INTS6L: variants seen among roughly 807,000 people sequenced by gnomAD.
INTS6L encodes the protein integrator complex subunit 6 like.
A neutral mutation model predicts 64.7 loss-of-function variants in INTS6L; 18 were observed. The ratio of observed to expected loss-of-function variants is 0.28; its 90% CI spans 0.19 to 0.41. The LOEUF (loss-of-function observed/expected upper bound fraction) is 0.41. Ranked by LOEUF, INTS6L falls within the 10% of genes least tolerant of loss-of-function variation. The probability of loss-of-function intolerance (pLI) is 1.00; values close to 1 mark genes in which losing one functional copy is unlikely to be tolerated. For synonymous variants in INTS6L, 227 were observed against 235.9 expected (o/e 0.96, Z 0.34); for missense variants, 533 against 661.0 (o/e 0.81, Z 2.12).
intron 11 of INTS6L, chrX:135,571,963 A>G (rs2148668500): frequency 8.9e-6 from 1 of 112,161 alleles, no homozygotes; most frequent in East Asian, 2.8e-4. Flanking sequence ...CTTAATTCCA[A>G]TAATTAGGGA....
intron 16 of INTS6L, among the ~76,000 whole-genome samples, chrX:135,580,525 C>A (rs2087343758): frequency 8.9e-6 from 1 of 112,575 alleles, no homozygotes; most frequent in Admixed American, 9.4e-5. Context: ...GAATTTCTTT[C>A]TTTGCCTTTT....
intron 2 of INTS6L, among the ~76,000 whole-genome samples, chrX:135,536,845 G>T (rs781904237): frequency 9.0e-6 from 1 of 111,349 alleles, no homozygotes; most frequent in Non-Finnish European, 1.9e-5. Flanking sequence ...GCCAGCCAGA[G>T]TTCCAAATTA....
chrX:135,535,949 A>G (rs2086039702), intron 2 of INTS6L, among the ~76,000 whole-genome samples: 1 of 112,432 alleles, frequency 8.9e-6, no homozygotes, highest in Non-Finnish European at 1.9e-5. Context: ...AAGGAGAGGA[A>G]AGCAACATGC....
At position 135,520,968 on chromosome X, in the gene INTS6L, A is replaced by T. The variant is rs1556495945; in HGVS notation, c.-25A>T. The T allele has an allele frequency of 1.7e-6, 2 of 1,195,938 alleles. No individual in the cohort carries two copies. Among genetic ancestry groups the T allele is most frequent in the East Asian group, 5.9e-5 (2 of 33,689 alleles). On this transcript the variant is annotated 5_prime_UTR_variant, in exon 1 of 18. Transcript: ENST00000639893. The stretch of plus-strand genomic sequence containing the variant: ...GGGCAAGAGGGCCGGGAGAGTGGGG[A>T]GCGGAGGCAGGAGTGCGGGGGAAGA...
chrX:135,552,097 C>T lies in INTS6L; in HGVS notation c.1010C>T (p.Pro337Leu), dbSNP rs782158758. The T allele has an allele frequency of 8.3e-7, 1 of 1,204,510 alleles. No individual in the cohort carries two copies. Among genetic ancestry groups the T allele is most frequent in the East Asian group, 3.0e-5 (1 of 33,586 alleles). ...GACAAATATGAACTTGAACCTTCGC[C>T]CTTAACTCAGTATATCTTGGAACGA... is the stretch of plus-strand genomic sequence containing the variant. ...PFDKYELEPS[P>L]LTQYILERKS... Residue 337 changes from proline to leucine, a missense_variant, in exon 8 of 18, where the codon CCC (proline) becomes CTC (leucine). Transcript: ENST00000639893.
chrX:135,581,129 C>A lies in INTS6L; in HGVS notation c.2574C>A (p.Ile858=). ...AGAAACAGTTTGTTGAATTTACCATCAAGGAAGCCGCAAGGTAGGTATAAA... is the reference window on the plus strand; with the variant it reads ...AGAAACAGTTTGTTGAATTTACCATAAAGGAAGCCGCAAGGTAGGTATAAA... ...EMKKQFVEFT[I]KEAARFKRRV... Residue 858 remains isoleucine (I), a synonymous_variant, in exon 17 of 18, where the codon ATC becomes ATA. Coordinates refer to ENST00000639893, the MANE Select transcript of INTS6L (RefSeq NM_001351601.3). The A allele has an allele frequency of 8.4e-7, 1 of 1,192,278 alleles. No homozygotes were observed. Among genetic ancestry groups the A allele is most frequent in the East Asian group, 3.0e-5 (1 of 33,143 alleles).
intron 7 of INTS6L, 29 bp downstream of exon 7, chrX:135,549,834 A>T (rs1410238048): frequency 3.9e-5 from 47 of 1,196,918 alleles, no homozygotes; most frequent in Non-Finnish European, 5.3e-5. Flanking sequence ...AAAGGTAAAC[A>T]TCATTCTGGA....
intron 11 of INTS6L, 102 bp downstream of exon 11, chrX:135,570,648 ATCTC>A: frequency 1.1e-6 from 1 of 908,798 alleles, no homozygotes; most frequent in Non-Finnish European, 1.5e-6. Flanking sequence ...ATGTGTATAT[ATCTC>A]TACACTTTAT....
intron 2 of INTS6L, among the ~76,000 whole-genome samples, chrX:135,544,007 T>A (rs2148608371): frequency 8.9e-6 from 1 of 112,397 alleles, no homozygotes; most frequent in South Asian, 3.7e-4. Flanking sequence ...ACTAAGCACA[T>A]CTTTAATTTC....
intron 9 of INTS6L, among the ~76,000 whole-genome samples, chrX:135,559,148 T>C (rs1279893194): frequency 8.9e-6 from 1 of 111,984 alleles, no homozygotes; most frequent in Non-Finnish European, 1.9e-5. Flanking sequence ...GTACTCTTTA[T>C]TCAGTTTTCC....
chrX:135,533,369 C>T (rs1171115507), intron 2 of INTS6L, among the ~76,000 whole-genome samples: 1 of 112,116 alleles, frequency 8.9e-6, no homozygotes. Context: ...TAAAAAGTAG[C>T]TCATAACAAT....
At chrX:135,541,210 AAGGCC>A (rs1379079953) in intron 2 of INTS6L, among the ~76,000 whole-genome samples, 14 of 111,592 alleles carry the variant, frequency 1.3e-4, no homozygotes, top group African/African-American at 4.6e-4. Context: ...CTGCTGCTTT[AAGGCC>A]AGGCTCTCAT....
In INTS6L at chrX:135,580,041, C is replaced by T. The variant is rs1556533580; in HGVS notation, c.2373C>T (p.Asp791=). The change falls in exon 16 of 18, where the codon GAC becomes GAT. Residue 791 remains aspartate (D), a synonymous_variant. Coordinates refer to ENST00000639893, the MANE Select transcript of INTS6L (RefSeq NM_001351601.3). The part of the protein sequence containing the change: ...NCSLSVDDQK[D]PVASTLGAMP... Reference sequence around the variant, plus strand: ...GTCTCTCCGTAGATGACCAAAAAGACCCAGTAGCATCTACTTTGGGAGCTA... The same window carrying T: ...GTCTCTCCGTAGATGACCAAAAAGATCCAGTAGCATCTACTTTGGGAGCTA... 8.3e-7 allele frequency: 1 copy of T among 1,211,956 alleles called. No individual in the cohort carries two copies. Among genetic ancestry groups the T allele is most frequent in the South Asian group, 1.8e-5 (1 of 56,978 alleles).
Position 135,549,778 on chromosome X carries a change from T to C in INTS6L, c.879T>C (p.Phe293=), listed in dbSNP as rs782621063. 1.7e-6 allele frequency: 2 copies of C among 1,211,984 alleles called. No individual in the cohort carries two copies. The highest frequency in any genetic ancestry group is 3.5e-5 in the South Asian group (2 of 56,942). The part of the protein sequence containing the change: ...PVGHWPIPES[F]WPDQNLPSLP... ...GACATTGGCCAATTCCAGAATCTTT[T>C]TGGCCAGATCAGAATTTACCTTCAC... Residue 293 remains phenylalanine (F), a synonymous_variant, in exon 7 of 18, where the codon TTT becomes TTC. Transcript: ENST00000639893.
intron 2 of INTS6L, among the ~76,000 whole-genome samples, chrX:135,524,647 A>G (rs1246150782): frequency 9.0e-6 from 1 of 111,499 alleles, no homozygotes; most frequent in Non-Finnish European, 1.9e-5. Context: ...TTTTCTTAAT[A>G]GGCATGCAAC....
At chrX:135,521,169 C>A in intron 1 of INTS6L, 66 bp downstream of exon 1, 1 of 1,166,236 alleles carries the variant, frequency 8.6e-7, no homozygotes, top group Non-Finnish European at 1.2e-6. Context: ...GATTGAGGTG[C>A]TTCTGTAACG....
At chrX:135,559,346 C>T (rs1042338410) in intron 9 of INTS6L, among the ~76,000 whole-genome samples, 1 of 111,904 alleles carries the variant, frequency 8.9e-6, no homozygotes, top group African/African-American at 3.3e-5. Context: ...TTCTACATGT[C>T]TACAATTTTA....
At chrX:135,571,786 G>A (rs1210695614) in intron 11 of INTS6L, 3 of 111,660 alleles carry the variant, frequency 2.7e-5, no homozygotes, top group African/African-American at 9.8e-5. Flanking sequence ...TGGCCACAAG[G>A]AAGAATAGTG....
chrX:135,560,768 C>T (rs1306662353), intron 9 of INTS6L, among the ~76,000 whole-genome samples: 6 of 108,422 alleles, frequency 5.5e-5, no homozygotes, highest in East Asian at 3.0e-4. Flanking sequence ...CACTCGAACC[C>T]GGGAGGTGGA....
Sources: allele counts gnomAD v4.1 joint callset (sites outside exome capture counted in the v4.1 genomes callset), GRCh38; gene constraint gnomAD v4.1.1; transcripts MANE v1.5; gene names NCBI Gene and HGNC (gene_info 2026-07-23, HGNC 2026-07-21).